ATP2A3: variants seen among roughly 807,000 people sequenced by gnomAD.
The protein encoded by ATP2A3 is ATPase sarcoplasmic/endoplasmic reticulum Ca2+ transporting 3.
Under a neutral mutation model 106.8 loss-of-function variants are expected in ATP2A3, and 61 were observed. That is an observed-to-expected ratio of 0.57 (90% CI 0.46 to 0.71). The LOEUF is 0.71. ATP2A3 is among the 30% of genes least tolerant of loss of function. The pLI is 0.00. For synonymous variants in ATP2A3, 611 were observed against 609.3 expected (o/e 1.00, Z -0.04); for missense variants, 1,201 against 1,423.5 (o/e 0.84, Z 2.52).
chr17:3,931,564 C>A (rs142385586), intron 17 of ATP2A3, among the ~76,000 whole-genome samples: 2 of 151,322 alleles, frequency 1.3e-5, no homozygotes, highest in Admixed American at 6.6e-5. Context: ...CTCTGTCACC[C>A]GAGCTGGAGT....
rs776779690 is a variant in ATP2A3, at chr17:3,947,466, C to T, written c.1020G>A (p.Glu340=). Reference sequence around the variant, plus strand: ...AGATGACTGAGGTGCAGCCCAGGGTCTCCACGGACGGCAGGCTTCGCACGA... The same window carrying T: ...AGATGACTGAGGTGCAGCCCAGGGTTTCCACGGACGGCAGGCTTCGCACGA... ...NAIVRSLPSV[E]TLGCTSVICS... Residue 340 remains glutamate (E), a synonymous_variant, in exon 8 of 21, where the codon GAG becomes GAA. Transcript: ENST00000397041. The surrounding 1 kb of genome is among the most constrained non-coding windows in gnomAD (Gnocchi z 7.7). The T allele has an allele frequency of 3.7e-6, 6 of 1,613,758 alleles. No homozygotes were observed. The East Asian group carries it at 1.3e-4, about 36-fold the overall frequency.
chr17:3,940,798 G>A (rs563206832), intron 14 of ATP2A3, among the ~76,000 whole-genome samples, 173 bp downstream of exon 14: 35 of 152,296 alleles, frequency 2.3e-4, no homozygotes, highest in African/African-American at 7.7e-4. Context: ...GTGAGCCACC[G>A]CGCCTGGCCC....
chr17:3,962,898 G>T (rs1442639125), intron 1 of ATP2A3, among the ~76,000 whole-genome samples: 1 of 152,200 alleles, frequency 6.6e-6, no homozygotes, highest in East Asian at 1.9e-4. Context: ...GCCCACCCCA[G>T]GGTCAGAGGC....
rs2052612024 is a variant in ATP2A3, at chr17:3,924,708, C to G, written c.*714G>C. 2 of 455,806 alleles carry G rather than the reference C, an allele frequency of 4.4e-6. No homozygotes were observed. The highest frequency in any genetic ancestry group is 4.4e-6 in the Non-Finnish European group (1 of 226,612). The allele number at this position is 455,806 out of a possible 1,614,324, so 28.2% of individuals were successfully genotyped here. Reference sequence around the variant, plus strand: ...GCGGGGCTGAGGCAGTCCAGCCAGGCTTTCCCGACTTGTCTCCCGGGAAAG... The same window carrying G: ...GCGGGGCTGAGGCAGTCCAGCCAGGGTTTCCCGACTTGTCTCCCGGGAAAG... On this transcript the variant is annotated 3_prime_UTR_variant, in exon 21 of 21. Coordinates refer to ENST00000397041, the MANE Select transcript of ATP2A3 (RefSeq NM_005173.4). This position sits in a 1 kb window ranked among gnomAD's most constrained non-coding sequence, Gnocchi z 6.4.
chr17:3,942,118 G>T (rs1259914488), intron 12 of ATP2A3, among the ~76,000 whole-genome samples: 1 of 152,104 alleles, frequency 6.6e-6, no homozygotes, highest in Non-Finnish European at 1.5e-5. Context: ...GGGGGTCCAG[G>T]GATGACAGGC....
chr17:3,958,787 T>TAC (rs1328831140), intron 1 of ATP2A3, among the ~76,000 whole-genome samples: 2 of 55,292 alleles, frequency 3.6e-5, no homozygotes, highest in South Asian at 3.6e-4. Flanking sequence ...CACACATATA[T>TAC]ATACACATAT....
intron 10 of ATP2A3, among the ~76,000 whole-genome samples, chr17:3,944,380 G>A (rs113512608): frequency 0.018 from 2,797 of 152,228 alleles, 52 homozygotes; most frequent in Non-Finnish European, 0.027. Context: ...TTAACTGAAC[G>A]TGGGCCTTTT....
At chr17:3,952,433 G>C (rs2054503231) in intron 3 of ATP2A3, among the ~76,000 whole-genome samples, 2 of 152,186 alleles carry the variant, frequency 1.3e-5, no homozygotes, top group Admixed American at 1.3e-4. Flanking sequence ...CAGTGGGAAT[G>C]GAGGAACAGC....
chr17:3,941,797 T>C, intron 12 of ATP2A3, 143 bp from the exon 13 acceptor site: 3 of 854,518 alleles, frequency 3.5e-6, no homozygotes, highest in Admixed American at 2.1e-5. Flanking sequence ...CAGAATCCAT[T>C]CACTGAAAGT....
intron 1 of ATP2A3, among the ~76,000 whole-genome samples, chr17:3,962,348 C>G (rs930157139): frequency 6.6e-6 from 1 of 152,190 alleles, no homozygotes; most frequent in Non-Finnish European, 1.5e-5. Flanking sequence ...CAGTCCTTCC[C>G]TTATGGAGTT....
Position 3,928,110 on chromosome 17 carries a change from C to T in ATP2A3, c.2980+553G>A, listed in dbSNP as rs1319406252. 6.2e-7 allele frequency: 1 copy of T among 1,605,936 alleles called. No homozygotes were observed. Among genetic ancestry groups the T allele is most frequent in the Non-Finnish European group, 8.5e-7 (1 of 1,173,002 alleles). ...CAGGTGGATGGACCCCATGTCCCAGCCCACTTCTCTCCAGCCCGACACCTG... is the reference window on the plus strand; with the variant it reads ...CAGGTGGATGGACCCCATGTCCCAGTCCACTTCTCTCCAGCCCGACACCTG... On this transcript the variant is annotated intron_variant, in intron 20 of 20. Coordinates refer to ENST00000397041, the MANE Select transcript of ATP2A3 (RefSeq NM_005173.4). This position sits in a 1 kb window ranked among gnomAD's most constrained non-coding sequence, Gnocchi z 6.1.
rs147197559 is a variant in ATP2A3 at position 3,952,316 on chromosome 17, C to T, written c.220-631G>A. Among the ~76,000 whole-genome samples, 640 of 152,170 alleles carry T rather than the reference C, an allele frequency of 4.2e-3. 3 individuals carry two copies. The highest frequency in any genetic ancestry group is 6.2e-3 in the Non-Finnish European group (421 of 68,030). Reference sequence around the variant, plus strand: ...CCCAGGCTGAACTCCTGAGCTCACCCGCCTCGGCCTGCCAAAGTGCTAGGA... The same window carrying T: ...CCCAGGCTGAACTCCTGAGCTCACCTGCCTCGGCCTGCCAAAGTGCTAGGA... On this transcript the variant is annotated intron_variant, in intron 3 of 20. Transcript: ENST00000397041.
rs2052615226 is a variant in ATP2A3, at chr17:3,924,770, T to C, written c.*652A>G. The stretch of plus-strand genomic sequence containing the variant: ...TCCGCCCTCCTGCCGGCTCCTTGTG[T>C]CCGTCTCTCTGACCCTTCACCCGCC... On this transcript the variant is annotated 3_prime_UTR_variant, in exon 21 of 21. Transcript: ENST00000397041. This position sits in a 1 kb window ranked among gnomAD's most constrained non-coding sequence, Gnocchi z 6.4. 2.2e-6 allele frequency: 1 copy of C among 456,490 alleles called. No homozygotes were observed. Among genetic ancestry groups the C allele is most frequent in the Admixed American group, 2.3e-5 (1 of 42,560 alleles). 28.3% of individuals were successfully genotyped at this position (456,490 alleles called of 1,614,324 possible).
rs1220590569 is a variant in ATP2A3 at position 3,929,983 on chromosome 17, C to G, written c.2744+318G>C. ...ACCCCAATCCTGGACCTCTCTTGACCCCTAGACCCCAGTCTGGGATGCTCT... is the reference window on the plus strand; with the variant it reads ...ACCCCAATCCTGGACCTCTCTTGACGCCTAGACCCCAGTCTGGGATGCTCT... On this transcript the variant is annotated intron_variant, in intron 18 of 20. Transcript: ENST00000397041. The surrounding 1 kb of genome is among the most constrained non-coding windows in gnomAD (Gnocchi z 4.3). Among the ~76,000 whole-genome samples the G allele has an allele frequency of 1.3e-5, 2 of 151,044 alleles. No homozygotes were observed. Among genetic ancestry groups the G allele is most frequent in the African/African-American group, 4.9e-5 (2 of 41,014 alleles).
chr17:3,941,213 G>A lies in ATP2A3; in HGVS notation c.1858C>T (p.Arg620Cys), dbSNP rs1328147303. The A allele has an allele frequency of 4.3e-6, 7 of 1,613,994 alleles. No homozygotes were observed. Among genetic ancestry groups the A allele is most frequent in the South Asian group, 1.1e-5 (1 of 91,092 alleles). Reference sequence around the variant, plus strand: ...TTATCCCCCGTGATCATGACCACGCGGATGCCCGCCTGGTAGCAGCGTGTG... The same window carrying A: ...TTATCCCCCGTGATCATGACCACGCAGATGCCCGCCTGGTAGCAGCGTGTG... ...CITRCYQAGIRVVMITGDNKG... is the reference protein window; with the variant it reads ...CITRCYQAGICVVMITGDNKG... Residue 620 changes from arginine (R) to cysteine (C), a missense_variant, in exon 14 of 21, where the codon CGC (arginine) becomes TGC (cysteine). By Grantham distance (180) the Arg-to-Cys change is radical. Transcript: ENST00000397041.
intron 1 of ATP2A3, among the ~76,000 whole-genome samples, chr17:3,958,263 C>T (rs1237756123): frequency 2.0e-5 from 3 of 152,214 alleles, no homozygotes; most frequent in African/African-American, 4.8e-5. Flanking sequence ...ACTTGGAATG[C>T]GTAGCACACA....
chr17:3,942,745 G>A lies in ATP2A3; in HGVS notation c.1420-14C>T. The A allele has an allele frequency of 6.2e-7, 1 of 1,611,374 alleles. No homozygotes were observed. The highest frequency in any genetic ancestry group is 8.5e-7 in the Non-Finnish European group (1 of 1,179,650). On this transcript the variant is annotated splice_polypyrimidine_tract_variant and intron_variant, in intron 11 of 20. Coordinates refer to ENST00000397041, the MANE Select transcript of ATP2A3 (RefSeq NM_005173.4). ...CTGCTTGATGACCTGCGGGGTCCAGGCAGGTCAGGGCATGAAGGACAGAGC... is the reference window on the plus strand; with the variant it reads ...CTGCTTGATGACCTGCGGGGTCCAGACAGGTCAGGGCATGAAGGACAGAGC...
intron 1 of ATP2A3, among the ~76,000 whole-genome samples, chr17:3,958,205 G>C (rs899653438): frequency 1.2e-4 from 19 of 152,236 alleles, no homozygotes; most frequent in African/African-American, 4.1e-4. Context: ...GGTGATAAAT[G>C]TAAGTACCTC....
At position 3,943,514 on chromosome 17, in the gene ATP2A3, A is replaced by G. The variant is rs2053906103; in HGVS notation, c.1296T>C (p.Gly432=). Residue 432 remains glycine (G), a synonymous_variant, in exon 11 of 21, where the codon GGT becomes GGC. Coordinates refer to ENST00000397041, the MANE Select transcript of ATP2A3 (RefSeq NM_005173.4). ...DSALDYNEAK[G]VYEKVGEATE... is the part of the protein sequence containing the mutation. ...TGGCCTCTCCCACCTTCTCATACAC[A>G]CCCTTGGCCTGGCAAGGACCCAGGG... The G allele has an allele frequency of 6.2e-7, 1 of 1,613,312 alleles. No individual in the cohort carries two copies. The highest frequency in any genetic ancestry group is 1.3e-5 in the African/African-American group (1 of 74,658).
Sources: allele counts gnomAD v4.1 joint callset (sites outside exome capture counted in the v4.1 genomes callset), GRCh38; gene constraint gnomAD v4.1.1; non-coding constraint Gnocchi (gnomAD v3.1); transcripts MANE v1.5; gene names NCBI Gene and HGNC (gene_info 2026-07-23, HGNC 2026-07-21).